Variants in TBL1X observed in about 807,000 individuals in gnomAD.
The protein encoded by TBL1X is F-box-like/WD repeat-containing protein TBL1X.
Under a neutral mutation model 50.7 loss-of-function variants are expected in TBL1X, and 10 were observed. That is an observed-to-expected ratio of 0.20 (90% CI 0.12 to 0.33). TBL1X has a LOEUF of 0.33. TBL1X is among the 10% of genes least tolerant of loss of function. The pLI is 1.00. For synonymous variants in TBL1X, 190 were observed against 214.7 expected, an observed-to-expected ratio of 0.88 and a Z score of 1.01; for missense variants, 340 against 504.4, an observed-to-expected ratio of 0.67 and a Z score of 3.12.
chrX:9,542,151 T>C (rs189287901), intron 2 of TBL1X, among the ~76,000 whole-genome samples: 71 of 110,790 alleles, frequency 6.4e-4, no homozygotes, highest in Non-Finnish European at 1.1e-3. Flanking sequence ...GTAATTGCAT[T>C]TGATGGATGA....
chrX:9,691,063 A>G (rs752146091), intron 7 of TBL1X, among the ~76,000 whole-genome samples: 13 of 111,897 alleles, frequency 1.2e-4, no homozygotes, highest in East Asian at 2.8e-4. Flanking sequence ...TTATTCCTCA[A>G]TGAAATTTAG....
intron 1 of TBL1X, among the ~76,000 whole-genome samples, chrX:9,474,696 A>G (rs2081838652): frequency 8.9e-6 from 1 of 112,945 alleles, no homozygotes; most frequent in Admixed American, 9.3e-5. Context: ...TGTTTTCATA[A>G]TCACTGAATT....
In TBL1X at chrX:9,719,048, T is replaced by A. The variant is rs2083294834; in HGVS notation, c.*2802T>A. ...TGTAATCAAGAAATGGCCTGTGGAA[T>A]GTTATTGTTCAACGTTGTTTACAGC... On this transcript the variant is annotated 3_prime_UTR_variant, in exon 18 of 18. Coordinates refer to ENST00000645353, the MANE Select transcript of TBL1X (RefSeq NM_005647.4). The A allele has an allele frequency of 8.9e-6, 1 of 112,464 alleles. No individual in the cohort carries two copies. Among genetic ancestry groups the A allele is most frequent in the African/African-American group, 3.2e-5 (1 of 30,899 alleles). The allele number at this position is 112,464 out of a possible 1,213,427, so 9.3% of individuals were successfully genotyped here.
chrX:9,523,288 C>T (rs1035700477), intron 2 of TBL1X, among the ~76,000 whole-genome samples: 1 of 111,665 alleles, frequency 9.0e-6, no homozygotes, highest in Non-Finnish European at 1.9e-5. Flanking sequence ...CCAGGGCACC[C>T]GGGAACTCGG....
chrX:9,695,903 G>A (rs1283264975), intron 11 of TBL1X, among the ~76,000 whole-genome samples: 4 of 112,415 alleles, frequency 3.6e-5, no homozygotes, highest in Non-Finnish European at 7.5e-5. Context: ...TATGTGATCA[G>A]TGAAAATGCA....
chrX:9,711,833 GACTCCA>G, intron 16 of TBL1X, 57 bp downstream of exon 16: 1 of 1,125,876 alleles, frequency 8.9e-7, no homozygotes, highest in Non-Finnish European at 1.2e-6. Flanking sequence ...AAATAGCCAC[GACTCCA>G]GTGCCCTTGG....
At chrX:9,636,993 G>C (rs965186651) in intron 2 of TBL1X, 55 of 112,272 alleles carry the variant, frequency 4.9e-4, no homozygotes, top group African/African-American at 1.7e-3. Context: ...GAATTAAAAG[G>C]TGGAAAATGA....
intron 14 of TBL1X, 127 bp from the exon 15 acceptor site, chrX:9,709,506 C>A (rs2083231338): frequency 9.5e-7 from 1 of 1,053,218 alleles, no homozygotes; most frequent in African/African-American, 1.8e-5. Context: ...TCCCTGCAGC[C>A]TTTCTCACCA....
intron 2 of TBL1X, among the ~76,000 whole-genome samples, chrX:9,536,190 A>T (rs991459527): frequency 9.0e-6 from 1 of 111,264 alleles, no homozygotes; most frequent in South Asian, 3.8e-4. Context: ...TTGGGCCATT[A>T]CAAAAAGCTG....
intron 5 of TBL1X, among the ~76,000 whole-genome samples, chrX:9,660,364 G>T (rs1195055037): frequency 8.9e-6 from 1 of 112,277 alleles, no homozygotes; most frequent in African/African-American, 3.2e-5. Context: ...GTTGTGTCCG[G>T]CACAGGGATG....
At chrX:9,608,609 T>C (rs2082596023) in intron 2 of TBL1X, among the ~76,000 whole-genome samples, 1 of 112,433 alleles carries the variant, frequency 8.9e-6, no homozygotes, top group Admixed American at 9.4e-5. Context: ...TCTAGGATTT[T>C]ATTTTCTTTT....
At chrX:9,650,043 A>G (rs1404055793) in intron 3 of TBL1X, among the ~76,000 whole-genome samples, 1 of 112,546 alleles carries the variant, frequency 8.9e-6, no homozygotes, top group Non-Finnish European at 1.9e-5. Flanking sequence ...CTCCCATCTC[A>G]GCCTCTTAGA....
At chrX:9,565,432 G>A (rs761506587) in intron 2 of TBL1X, among the ~76,000 whole-genome samples, 8 of 110,894 alleles carry the variant, frequency 7.2e-5, no homozygotes, top group Non-Finnish European at 1.3e-4. Flanking sequence ...ATTGGTGGTG[G>A]GAATGTAAAA....
intron 14 of TBL1X, 79 bp from the exon 15 acceptor site, chrX:9,709,554 C>T (rs1283472276): frequency 1.7e-6 from 2 of 1,176,074 alleles, no homozygotes; most frequent in South Asian, 3.9e-5. Context: ...CCCGTGTGCA[C>T]CCCCGGGAGG....
intron 5 of TBL1X, among the ~76,000 whole-genome samples, chrX:9,664,553 C>T (rs2082916222): frequency 1.8e-5 from 2 of 110,952 alleles, no homozygotes; most frequent in African/African-American, 3.3e-5. Context: ...TCTGGGTGGG[C>T]TGCATTTTTA....
At chrX:9,602,576 G>T (rs2082562522) in intron 2 of TBL1X, among the ~76,000 whole-genome samples, 1 of 111,570 alleles carries the variant, frequency 9.0e-6, no homozygotes, top group African/African-American at 3.3e-5. Context: ...TGGCTGCAGG[G>T]CTCATCTGCC....
chrX:9,690,911 G>T (rs989190755), intron 7 of TBL1X, among the ~76,000 whole-genome samples: 1 of 110,586 alleles, frequency 9.0e-6, no homozygotes, highest in Non-Finnish European at 1.9e-5. Flanking sequence ...TGTTGTTGTT[G>T]TTGTTGTTGT....
chrX:9,683,941 A>G (rs1171435963), intron 5 of TBL1X, 102 bp from the exon 6 acceptor site: 12 of 1,123,602 alleles, frequency 1.1e-5, no homozygotes, highest in South Asian at 9.2e-5. Flanking sequence ...CCTGCAAATT[A>G]AGTGTGTTTG....
At chrX:9,684,004 C>A (rs181195291) in intron 5 of TBL1X, 39 bp from the exon 6 acceptor site, 1 of 1,211,091 alleles carries the variant, frequency 8.3e-7, no homozygotes, top group Admixed American at 2.2e-5. Flanking sequence ...TCCTTCAATT[C>A]GGGTCTCACT....
Sources: gnomAD v4.1 joint callset for allele counts (sites outside exome capture counted in the v4.1 genomes callset) on GRCh38, gnomAD v4.1.1 for gene constraint, MANE v1.5 for transcripts, NCBI Gene and HGNC (gene_info 2026-07-23, HGNC 2026-07-21) for gene names.